Variants in PCM1 observed in about 807,000 individuals in gnomAD.
The protein encoded by PCM1 is pericentriolar material 1 protein.
PCM1 carries 157 observed loss-of-function variants against 241.9 expected under a neutral mutation model. The ratio of observed to expected loss-of-function variants is 0.65; its 90% confidence interval spans 0.57 to 0.74. PCM1 has a LOEUF of 0.74. Among genes scored for constraint, PCM1 ranks in the 30% least tolerant of loss-of-function variants. The probability of loss-of-function intolerance (pLI) is 0.00; values close to 1 mark genes in which losing one functional copy is unlikely to be tolerated. For missense variants in PCM1, 3,478 were observed against 2,360.1 expected (o/e 1.47, Z -9.81); for synonymous variants, 1,085 against 784.9 (o/e 1.38, Z -6.39).
intron 24 of PCM1, among the ~76,000 whole-genome samples, chr8:17,984,974 G>C (rs917252681): frequency 6.6e-6 from 1 of 151,916 alleles, no homozygotes; most frequent in South Asian, 2.1e-4. Context: ...GACTATACTG[G>C]ATAGACCTTA....
At chr8:17,925,052 A>G (rs1325132383) in intron 2 of PCM1, 2 of 152,140 alleles carry the variant, frequency 1.3e-5, no homozygotes, top group East Asian at 1.9e-4. Context: ...TCTTCACAGA[A>G]TTTTTTCAAC....
rs2094407675 is a variant in PCM1 at position 18,029,428 on chromosome 8, C to T, written c.*1766C>T. On this transcript the variant is annotated 3_prime_UTR_variant, in exon 39 of 39. Coordinates refer to ENST00000325083, the MANE Select transcript of PCM1 (RefSeq NM_006197.4). ...GCACACTCAAATTCTTTATTTTCTCCACTTTAAGCAGGAAAGGGTAAAAAC... is the reference window on the plus strand; with the variant it reads ...GCACACTCAAATTCTTTATTTTCTCTACTTTAAGCAGGAAAGGGTAAAAAC... 1 of 217,460 alleles carries T rather than the reference C, an allele frequency of 4.6e-6. No homozygotes were observed. Among genetic ancestry groups the T allele is most frequent in the African/African-American group, 2.2e-5 (1 of 44,488 alleles). The allele number at this position is 217,460 out of a possible 1,614,324, so 13.5% of individuals were successfully genotyped here. A position where few individuals can be genotyped will look rare whatever the true frequency, so the allele number is the denominator to read the frequency against.
chr8:17,943,519 A>C (rs1483422156), intron 6 of PCM1, among the ~76,000 whole-genome samples: 1 of 152,158 alleles, frequency 6.6e-6, no homozygotes, highest in Non-Finnish European at 1.5e-5. Flanking sequence ...AGTATCTGCC[A>C]GTTCTTTTTT....
intron 30 of PCM1, among the ~76,000 whole-genome samples, chr8:18,007,365 C>T (rs1253703981): frequency 6.6e-6 from 1 of 152,170 alleles, no homozygotes; most frequent in Non-Finnish European, 1.5e-5. Context: ...GACTAAAGGA[C>T]AAATTGTCCT....
chr8:17,991,952 C>T (rs1474928969), intron 28 of PCM1, among the ~76,000 whole-genome samples: 2 of 152,118 alleles, frequency 1.3e-5, no homozygotes, highest in Non-Finnish European at 2.9e-5. Flanking sequence ...GAACATGCAA[C>T]GTTTGGTTTT....
intron 28 of PCM1, 44 bp downstream of exon 28, chr8:17,991,744 G>C: frequency 7.0e-7 from 1 of 1,420,376 alleles, no homozygotes; most frequent in Non-Finnish European, 9.6e-7. Flanking sequence ...AACAGGTGGT[G>C]TTTGGTTACA....
chr8:17,934,835 C>G (rs2059990276), intron 2 of PCM1: 1 of 152,206 alleles, frequency 6.6e-6, no homozygotes, highest in Admixed American at 6.5e-5. Flanking sequence ...ATTGCTGCTG[C>G]TTTTTCTCAT....
In PCM1 at chr8:18,002,068, T is replaced by TC. The variant is rs1268917328; in HGVS notation, c.4828-4195_4828-4194insC. On this transcript the variant is annotated intron_variant, in intron 29 of 38. Coordinates refer to ENST00000325083, the MANE Select transcript of PCM1 (RefSeq NM_006197.4). Reference sequence around the variant, plus strand: ...GATCTGTTAAATTTTTTTTTTCTTTTTTTTTTTTTCTTTTTTTTATTATAC... The same window carrying TC: ...GATCTGTTAAATTTTTTTTTTCTTTTCTTTTTTTTTCTTTTTTTTATTATAC... Among the ~76,000 whole-genome samples the TC allele has an allele frequency of 6.0e-5, 4 of 66,828 alleles. 1 individual carries two copies. The highest frequency in any genetic ancestry group is 5.7e-4 in the African/African-American group (4 of 6,992). 43.8% of individuals were successfully genotyped at this position (66,828 alleles called of 152,430 possible).
chr8:17,967,239 G>A, intron 21 of PCM1, 69 bp downstream of exon 21: 1 of 1,081,456 alleles, frequency 9.2e-7, no homozygotes, highest in Non-Finnish European at 1.3e-6. Flanking sequence ...TTTGTCTATT[G>A]CCTAGATGTT....
intron 2 of PCM1, among the ~76,000 whole-genome samples, chr8:17,928,629 T>A (rs1226837098): frequency 2.1e-5 from 3 of 146,228 alleles, no homozygotes; most frequent in African/African-American, 7.6e-5. Context: ...TTTTTTTTTT[T>A]TTTTTTTTTT....
intron 38 of PCM1, among the ~76,000 whole-genome samples, chr8:18,025,948 A>G (rs1379369333): frequency 3.3e-5 from 5 of 151,828 alleles, no homozygotes; most frequent in African/African-American, 1.2e-4. Flanking sequence ...GTGGATCACG[A>G]GGTCAGGAGA....
Position 18,013,963 on chromosome 8 carries a change from G to T in PCM1, c.5512-1G>T. 6.3e-7 allele frequency: 1 copy of T among 1,588,562 alleles called. No individual in the cohort carries two copies. The highest frequency in any genetic ancestry group is 8.6e-7 in the Non-Finnish European group (1 of 1,163,912). On this transcript the variant is annotated splice_acceptor_variant, in intron 34 of 38. Transcript: ENST00000325083. LOFTEE classifies it high-confidence loss of function. ...GCTATTAAAACATTTTTCCCTTCTA[G>T]GTCCTACAACGTGACTTTAAAAAGA... is the stretch of plus-strand genomic sequence containing the variant.
intron 36 of PCM1, among the ~76,000 whole-genome samples, chr8:18,017,215 C>CTATT (rs1449324890): frequency 6.6e-6 from 1 of 152,184 alleles, no homozygotes; most frequent in African/African-American, 2.4e-5. Flanking sequence ...AAAGTTGAAT[C>CTATT]TATTTCTGAT....
chr8:17,939,907 C>T, intron 6 of PCM1, 46 bp downstream of exon 6: 1 of 1,216,642 alleles, frequency 8.2e-7, no homozygotes, highest in Non-Finnish European at 1.2e-6. Flanking sequence ...TGTAGTATCT[C>T]AGTGTGTATT....
rs2085517178 is a variant in PCM1 at position 17,993,483 on chromosome 8, A to G, written c.4691A>G (p.Glu1564Gly). The change falls in exon 29 of 39, where the codon GAA becomes GGA. Residue 1564 changes from glutamate (E) to glycine (G), a missense_variant and splice_region_variant. Transcript: ENST00000325083. The stretch of plus-strand genomic sequence containing the variant: ...AATGTATTTTCTTTTTAAAAATTAG[A>G]AACTCCCGTTATTGAAAATCGTAGT... ...GAGTTVNNLE[E>G]TPVIENRSSQ... The G allele has an allele frequency of 6.4e-7, 1 of 1,552,502 alleles. No homozygotes were observed. Among genetic ancestry groups the G allele is most frequent in the South Asian group, 1.2e-5 (1 of 80,308 alleles).
rs369875060 is a variant in PCM1 at position 17,963,262 on chromosome 8, A to G, written c.2625A>G (p.Leu875=). 147 of 1,605,036 alleles carry G rather than the reference A, an allele frequency of 9.2e-5. 1 individual carries two copies. Among genetic ancestry groups the G allele is most frequent in the South Asian group, 7.4e-4 (66 of 88,636 alleles). ...VSLRSDGSEN[L]CTPQQSRTEK... is the part of the protein sequence containing the mutation. ...TGAGAAGTGATGGATCTGAGAACCT[A>G]TGTACTCCTCAGCAAAGTAGAACAG... Residue 875 remains leucine (L), a synonymous_variant, in exon 17 of 39, where the codon CTA becomes CTG. Transcript: ENST00000325083.
chr8:17,945,753 G>A (rs2129453632), intron 6 of PCM1, among the ~76,000 whole-genome samples: 1 of 152,144 alleles, frequency 6.6e-6, no homozygotes, highest in East Asian at 1.9e-4. Context: ...TAATTTCTCT[G>A]GGAATCAAAT....
intron 36 of PCM1, among the ~76,000 whole-genome samples, chr8:18,015,387 CA>C (rs1296136928): frequency 6.6e-6 from 1 of 152,112 alleles, no homozygotes; most frequent in Admixed American, 6.5e-5. Flanking sequence ...GCTTAAGCTG[CA>C]AACATAAATG....
chr8:18,021,054 T>G (rs907888955), intron 36 of PCM1, among the ~76,000 whole-genome samples: 1 of 152,172 alleles, frequency 6.6e-6, no homozygotes, highest in Non-Finnish European at 1.5e-5. Context: ...TTGAATGAAC[T>G]CCACAGAATT....
Sources: allele counts gnomAD v4.1 joint callset (sites outside exome capture counted in the v4.1 genomes callset), GRCh38; gene constraint gnomAD v4.1.1; transcripts MANE v1.5; gene names NCBI Gene and HGNC (gene_info 2026-07-23, HGNC 2026-07-21).